Variants in OCM observed in about 807,000 individuals in gnomAD.
The protein encoded by OCM is oncomodulin.
A neutral mutation model predicts 14.1 loss-of-function variants in OCM; 18 were observed. That is an observed-to-expected ratio of 1.28 (90% confidence interval 0.88 to 1.89). The LOEUF is 1.89. Among genes scored for constraint, OCM ranks in the 40% most tolerant of loss-of-function variants. The pLI, the probability that OCM is intolerant of heterozygous loss-of-function variation, is 0.00. For synonymous variants in OCM, 48 were observed against 51.0 expected (o/e 0.94, Z 0.25); for missense variants, 140 against 137.6 (o/e 1.02, Z -0.09).
chr7:5,875,259 G>A (rs1336592399), upstream of OCM, among the ~76,000 whole-genome samples: 5 of 151,780 alleles, frequency 3.3e-5, no homozygotes, highest in East Asian at 1.9e-4. Context: ...GTTTCGCCAC[G>A]TTGGCCAGAC....
chr7:5,862,682 G>T, the OCM span, among the ~76,000 whole-genome samples: 2 of 151,150 alleles, frequency 1.3e-5, no homozygotes, highest in Admixed American at 1.3e-4. Flanking sequence ...CTCTTTTCAC[G>T]TTTATCTTAT....
At chr7:5,884,082 G>A in intron 3 of OCM, 83 bp downstream of exon 3, 1 of 1,522,410 alleles carries the variant, frequency 6.6e-7, no homozygotes, top group South Asian at 1.3e-5. Context: ...TCAAACCAAT[G>A]TGGCTTAAAA....
At chr7:5,863,679 C>A in the OCM span, among the ~76,000 whole-genome samples, 1 of 151,890 alleles carries the variant, frequency 6.6e-6, no homozygotes, top group East Asian at 1.9e-4. Context: ...ATTACAGGTG[C>A]GCACCACCAC....
At chr7:5,867,258 G>A in the OCM span, among the ~76,000 whole-genome samples, 71 of 152,084 alleles carry the variant, frequency 4.7e-4, no homozygotes, top group African/African-American at 1.6e-3. Context: ...CAGGAGGATC[G>A]CTTGGGCCCA....
the OCM span, among the ~76,000 whole-genome samples, chr7:5,863,821 T>C: frequency 6.6e-6 from 1 of 152,048 alleles, no homozygotes; most frequent in African/African-American, 2.4e-5. Flanking sequence ...CGTGAGCCAC[T>C]GTACCCGGCC....
At chr7:5,871,491 A>C in the OCM span, among the ~76,000 whole-genome samples, 2 of 152,120 alleles carry the variant, frequency 1.3e-5, no homozygotes, top group Admixed American at 1.3e-4. Context: ...CTGACCTGGG[A>C]TATCTCTCCC....
intron 3 of OCM, among the ~76,000 whole-genome samples, chr7:5,885,269 GT>G (rs1781308468): frequency 6.6e-6 from 1 of 151,990 alleles, no homozygotes; most frequent in African/African-American, 2.4e-5. Context: ...TAACAGAAAC[GT>G]TTGGAGTTTG....
At chr7:5,877,448 G>T (rs1430828639), upstream of OCM, among the ~76,000 whole-genome samples, 1 of 151,862 alleles carries the variant, frequency 6.6e-6, no homozygotes, top group African/African-American at 2.4e-5. Flanking sequence ...AGCCCGAAGA[G>T]CGAAACTCTG....
the OCM span, among the ~76,000 whole-genome samples, chr7:5,868,890 C>T: frequency 3.9e-5 from 6 of 151,990 alleles, no homozygotes; most frequent in South Asian, 2.1e-4. Flanking sequence ...TGGTGAAACC[C>T]TGTGTCTACT....
chr7:5,874,210 C>T, the OCM span, among the ~76,000 whole-genome samples: 1 of 106,114 alleles, frequency 9.4e-6, no homozygotes, highest in African/African-American at 3.9e-5. Context: ...GGTGACAGAG[C>T]GAGACTCTGT....
chr7:5,866,562 G>A, the OCM span, among the ~76,000 whole-genome samples: 3 of 152,178 alleles, frequency 2.0e-5, no homozygotes, highest in East Asian at 5.8e-4. Flanking sequence ...AGGGATTGGA[G>A]TGAAAATTTC....
chr7:5,860,800 A>T, the OCM span, among the ~76,000 whole-genome samples: 3 of 87,146 alleles, frequency 3.4e-5, no homozygotes, highest in African/African-American at 3.2e-4. Flanking sequence ...ACATATATAT[A>T]CACACATACA....
chr7:5,876,482 T>G (rs555243811), upstream of OCM, among the ~76,000 whole-genome samples: 66 of 152,198 alleles, frequency 4.3e-4, no homozygotes, highest in African/African-American at 1.5e-3. Flanking sequence ...CTGGGCGAGG[T>G]GATGCTGGTT....
chr7:5,861,421 TAA>T, the OCM span, among the ~76,000 whole-genome samples: 2 of 141,636 alleles, frequency 1.4e-5, no homozygotes, highest in Non-Finnish European at 1.6e-5. Context: ...AATTCTGTCT[TAA>T]AAAAAAAAAA....
the OCM span, among the ~76,000 whole-genome samples, chr7:5,873,851 C>T: frequency 7.9e-5 from 12 of 151,810 alleles, no homozygotes; most frequent in Admixed American, 5.9e-4. Context: ...AGTGGGTCCA[C>T]GGTGCTCTCA....
chr7:5,885,857 C>T (rs1583173342), intron 3 of OCM, among the ~76,000 whole-genome samples: 1 of 152,180 alleles, frequency 6.6e-6, no homozygotes, highest in Admixed American at 6.5e-5. Flanking sequence ...GATCCACCCG[C>T]CTCGGCCTCC....
At chr7:5,866,467 G>A in the OCM span, among the ~76,000 whole-genome samples, 153 of 141,890 alleles carry the variant, frequency 1.1e-3, 1 homozygote, top group African/African-American at 2.6e-3. Flanking sequence ...GAGGGAGGGA[G>A]GGAAGAAGAA....
chr7:5,873,634 C>T, the OCM span, among the ~76,000 whole-genome samples: 6,024 of 152,082 alleles, frequency 0.04, 170 homozygotes, highest in Non-Finnish European at 0.062. Context: ...CATGAGCCAC[C>T]GAGTCCAGCC....
At chr7:5,874,178 C>T in the OCM span, among the ~76,000 whole-genome samples, 5 of 131,298 alleles carry the variant, frequency 3.8e-5, no homozygotes, top group African/African-American at 1.5e-4. Context: ...GAGCCGAGAT[C>T]GCACCACTAC....
Sources: allele counts gnomAD v4.1 joint callset (sites outside exome capture counted in the v4.1 genomes callset), GRCh38; gene constraint gnomAD v4.1.1; transcripts MANE v1.5; gene names NCBI Gene and HGNC (gene_info 2026-07-23, HGNC 2026-07-21).